The following RNF10 variants were observed in gnomAD, a reference collection of about 807,000 sequenced individuals.
The protein encoded by RNF10 is ring finger protein 10.
A neutral mutation model predicts 91.4 loss-of-function variants in RNF10; 38 were observed. The observed-to-expected ratio is 0.42, with a 90% CI of 0.32 to 0.54. The LOEUF (loss-of-function observed/expected upper bound fraction) is 0.54, where lower values mean the gene tolerates loss of function less well. Among genes scored for constraint, RNF10 ranks in the 20% least tolerant of loss-of-function variants. The pLI, the probability that RNF10 is intolerant of heterozygous loss-of-function variation, is 0.16. For synonymous variants in RNF10, 364 were observed against 366.3 expected, an observed-to-expected ratio of 0.99 and a Z score of 0.07; for missense variants, 945 against 1,012.0, an observed-to-expected ratio of 0.93 and a Z score of 0.90.
chr12:120,563,637 AAG>A lies in RNF10; in HGVS notation c.1531+19_1531+20del. ...ACTTTTACCAAGGTGAGGGTGCCGGAAGAGAGGGCTGGGTTGCCGCAGAGGTG... is the reference window on the plus strand; with the variant it reads ...ACTTTTACCAAGGTGAGGGTGCCGGAAGAGGGCTGGGTTGCCGCAGAGGTG... On this transcript the variant is annotated intron_variant, in intron 9 of 16. Coordinates refer to ENST00000325954, the MANE Select transcript of RNF10 (RefSeq NM_014868.5). 1 of 1,585,204 alleles carries A rather than the reference AAG, an allele frequency of 6.3e-7. No individual in the cohort carries two copies. The highest frequency in any genetic ancestry group is 1.3e-5 in the African/African-American group (1 of 74,402).
chr12:120,539,441 G>A (rs1871253642), intron 1 of RNF10: 3 of 1,288,514 alleles, frequency 2.3e-6, no homozygotes, highest in Non-Finnish European at 3.0e-6. Flanking sequence ...CCCCTCTGGA[G>A]GTGCTTGTCA....
chr12:120,558,454 TAAAA>T (rs147730561), intron 6 of RNF10, among the ~76,000 whole-genome samples: 4,516 of 150,702 alleles, frequency 0.03, 229 homozygotes, highest in African/African-American at 0.1. Flanking sequence ...GTGTATTAAT[TAAAA>T]AAAAATCCTC....
At position 120,551,294 on chromosome 12, in the gene RNF10, T is replaced by TTG. The variant is rs1187670856; in HGVS notation, c.355-1204_355-1203insGT. Among the ~76,000 whole-genome samples, 138 of 130,084 alleles carry TTG rather than the reference T, an allele frequency of 1.1e-3. 1 individual carries two copies. Among genetic ancestry groups the TTG allele is most frequent in the African/African-American group, 3.6e-3 (129 of 36,264 alleles). 85.3% of individuals were successfully genotyped at this position (130,084 alleles called of 152,430 possible). The stretch of plus-strand genomic sequence containing the variant: ...AGCCACTGCGCCCATCCTAGTGTTT[T>TTG]TTTTTTTTTTTTTTTTTTGAAATGG... On this transcript the variant is annotated intron_variant, in intron 2 of 16. Coordinates refer to ENST00000325954, the MANE Select transcript of RNF10 (RefSeq NM_014868.5).
chr12:120,536,179 T>C (rs1179864480), intron 1 of RNF10, among the ~76,000 whole-genome samples: 1 of 151,912 alleles, frequency 6.6e-6, no homozygotes, highest in African/African-American at 2.4e-5. Flanking sequence ...CCGAACACTT[T>C]GGGAGGCTGA....
At chr12:120,561,966 G>GT (rs1425649476) in intron 7 of RNF10, among the ~76,000 whole-genome samples, 1 of 152,130 alleles carries the variant, frequency 6.6e-6, no homozygotes, top group Non-Finnish European at 1.5e-5. Context: ...TGTTCTGGAA[G>GT]TTTTTTGTAT....
At chr12:120,553,544 A>G (rs1333672009) in intron 3 of RNF10, among the ~76,000 whole-genome samples, 2 of 151,522 alleles carry the variant, frequency 1.3e-5, no homozygotes, top group South Asian at 2.1e-4. Flanking sequence ...AGCTGGGACT[A>G]CAGGCGCCCA....
At chr12:120,553,124 C>A in intron 3 of RNF10, among the ~76,000 whole-genome samples, 1 of 123,982 alleles carries the variant, frequency 8.1e-6, no homozygotes. Context: ...CGCTCTGCCA[C>A]CCAGGCTAGA....
intron 4 of RNF10, among the ~76,000 whole-genome samples, chr12:120,556,816 T>C (rs113763821): frequency 2.8e-4 from 42 of 152,086 alleles, no homozygotes; most frequent in African/African-American, 9.1e-4. Flanking sequence ...AGTTTTATTA[T>C]ATTTAACGGT....
Position 120,575,703 on chromosome 12 carries a change from C to T in RNF10, c.2200+15C>T, listed in dbSNP as rs1877293750. 1 of 1,614,062 alleles carries T rather than the reference C, an allele frequency of 6.2e-7. No individual in the cohort carries two copies. The highest frequency in any genetic ancestry group is 1.3e-5 in the African/African-American group (1 of 74,934). On this transcript the variant is annotated intron_variant, in intron 15 of 16. Transcript: ENST00000325954. The stretch of plus-strand genomic sequence containing the variant: ...TCCAAAGAAAGGTGAGGATGGTCCA[C>T]TGGTGAAGGGGGAGTTTGGCTTCTT...
At position 120,545,023 on chromosome 12, in the gene RNF10, C is replaced by T. The variant is rs140878921; in HGVS notation, c.158-1382C>T. ...AAAACAATATATCTTCTATGCTTGT[C>T]ATTTTATATAAGATTTGTGACACGT... On this transcript the variant is annotated intron_variant, in intron 1 of 16. Transcript: ENST00000325954. Among the ~76,000 whole-genome samples the T allele has an allele frequency of 1.5e-3, 226 of 152,264 alleles. 1 individual carries two copies. Among genetic ancestry groups the T allele is most frequent in the African/African-American group, 5.2e-3 (214 of 41,536 alleles).
chr12:120,540,224 A>G (rs1295008110), intron 1 of RNF10, among the ~76,000 whole-genome samples: 1 of 151,762 alleles, frequency 6.6e-6, no homozygotes, highest in Non-Finnish European at 1.5e-5. Context: ...TAGCCTCCCA[A>G]AGTGCTGGGG....
intron 14 of RNF10, among the ~76,000 whole-genome samples, chr12:120,573,298 G>C (rs1174328489): frequency 1.3e-5 from 2 of 152,082 alleles, no homozygotes; most frequent in African/African-American, 4.8e-5. Context: ...CCTGCATTTA[G>C]TTGTCAAGTC....
At chr12:120,567,042 C>A in intron 13 of RNF10, 62 bp downstream of exon 13, 1 of 1,530,322 alleles carries the variant, frequency 6.5e-7, no homozygotes, top group Non-Finnish European at 8.8e-7. Flanking sequence ...GCTTTGGTGT[C>A]TGAGTTTACA....
chr12:120,563,062 C>T lies in RNF10; in HGVS notation c.1246C>T (p.Pro416Ser), dbSNP rs746331062. Reference sequence around the variant, plus strand: ...CTTGGCGAAGGAGTCTGTTTTTCAACCCAGGAAGGTTAGTGTGTTCCTGTT... The same window carrying T: ...CTTGGCGAAGGAGTCTGTTTTTCAATCCAGGAAGGTTAGTGTGTTCCTGTT... ...APLAKESVFQPRKGVLEYLSA... is the reference protein window; with the variant it reads ...APLAKESVFQSRKGVLEYLSA... Residue 416 changes from proline to serine, a missense_variant, in exon 8 of 17, where the codon CCC (proline) becomes TCC (serine). Pro to Ser is a moderately conservative substitution (Grantham distance 74, BLOSUM62 -1). Coordinates refer to ENST00000325954, the MANE Select transcript of RNF10 (RefSeq NM_014868.5). The T allele has an allele frequency of 1.2e-6, 2 of 1,613,950 alleles. No individual in the cohort carries two copies. The highest frequency in any genetic ancestry group is 1.7e-6 in the Non-Finnish European group (2 of 1,179,996).
intron 3 of RNF10, among the ~76,000 whole-genome samples, chr12:120,553,144 C>T (rs1306140738): frequency 8.1e-6 from 1 of 123,922 alleles, no homozygotes; most frequent in Non-Finnish European, 1.6e-5. Flanking sequence ...AGTGCGGTGG[C>T]GTGATCTCGG....
chr12:120,558,735 A>AT (rs1032152956), intron 6 of RNF10, among the ~76,000 whole-genome samples: 6 of 150,518 alleles, frequency 4.0e-5, no homozygotes, highest in South Asian at 4.2e-4. Context: ...TGCCTGGCTG[A>AT]TTTTTTTTGT....
chr12:120,557,018 C>T (rs192198787), intron 4 of RNF10, among the ~76,000 whole-genome samples: 35 of 150,934 alleles, frequency 2.3e-4, no homozygotes, highest in Admixed American at 9.3e-4. Context: ...GTGGCAGGCG[C>T]CTGTAGTCCC....
At chr12:120,538,533 C>G (rs1322180793) in intron 1 of RNF10, among the ~76,000 whole-genome samples, 2 of 152,186 alleles carry the variant, frequency 1.3e-5, no homozygotes, top group African/African-American at 4.8e-5. Flanking sequence ...CCTACAGCTT[C>G]ATTCCAGTAG....
intron 1 of RNF10, among the ~76,000 whole-genome samples, chr12:120,545,150 T>C (rs753577810): frequency 1.3e-5 from 2 of 152,078 alleles, no homozygotes; most frequent in Non-Finnish European, 2.9e-5. Flanking sequence ...ATTGAACACA[T>C]ATTATAATTG....
Sources: allele counts gnomAD v4.1 joint callset (sites outside exome capture counted in the v4.1 genomes callset), GRCh38; gene constraint gnomAD v4.1.1; transcripts MANE v1.5; gene names NCBI Gene and HGNC (gene_info 2026-07-23, HGNC 2026-07-21).